PTPRA: variants seen among roughly 807,000 people sequenced by gnomAD.
The protein encoded by PTPRA is protein tyrosine phosphatase receptor type A.
In PTPRA, 25 loss-of-function variants were observed where a neutral mutation model predicts 104.8. The observed-to-expected ratio is 0.24, with a 90% CI of 0.17 to 0.33. The LOEUF (loss-of-function observed/expected upper bound fraction) is 0.33. PTPRA is among the 10% of genes least tolerant of loss of function. The pLI, the probability that PTPRA is intolerant of heterozygous loss-of-function variation, is 1.00. For synonymous variants in PTPRA, 323 were observed against 368.9 expected, an observed-to-expected ratio of 0.88 and a Z score of 1.43; for missense variants, 765 against 1,015.3, an observed-to-expected ratio of 0.75 and a Z score of 3.35.
chr20:2,980,432 C>T (rs538900812), intron 6 of PTPRA, among the ~76,000 whole-genome samples: 96 of 151,890 alleles, frequency 6.3e-4, no homozygotes, highest in Admixed American at 1.2e-3. Context: ...GCCAGGCCTG[C>T]AGTTCCAGCT....
At chr20:2,909,974 AATC>A (rs1408271422) in intron 1 of PTPRA, among the ~76,000 whole-genome samples, 20 of 111,854 alleles carry the variant, frequency 1.8e-4, no homozygotes, top group Admixed American at 1.4e-3. Context: ...ATATATATAT[AATC>A]TATCATATAT....
At chr20:2,959,243 C>T (rs1164626412) in intron 3 of PTPRA, among the ~76,000 whole-genome samples, 2 of 152,072 alleles carry the variant, frequency 1.3e-5, no homozygotes, top group African/African-American at 2.4e-5. Context: ...TGTTCTTTTC[C>T]CTTGTTCTTG....
intron 11 of PTPRA, among the ~76,000 whole-genome samples, chr20:3,007,890 G>A (rs1322186837): frequency 1.3e-5 from 2 of 152,142 alleles, no homozygotes; most frequent in African/African-American, 2.4e-5. Flanking sequence ...ACCAAGGCCT[G>A]AGGGAAGAGC....
intron 3 of PTPRA, among the ~76,000 whole-genome samples, chr20:2,961,853 TTGTTGAAAAGA>T (rs2061766491): frequency 6.6e-6 from 1 of 152,210 alleles, no homozygotes; most frequent in Non-Finnish European, 1.5e-5. Context: ...CCAGTATCAT[TTGTTGAAAAGA>T]CTATCTTGCT....
chr20:3,015,758 T>C (rs1346864101), intron 11 of PTPRA, 91 bp from the exon 12 acceptor site: 1 of 1,094,518 alleles, frequency 9.1e-7, no homozygotes, highest in African/African-American at 1.6e-5. Flanking sequence ...CATTTTCAGG[T>C]TTTGTTAACT....
chr20:2,970,667 A>G, intron 5 of PTPRA, among the ~76,000 whole-genome samples: 1 of 152,218 alleles, frequency 6.6e-6, no homozygotes, highest in East Asian at 1.9e-4. Context: ...TGCATTGCAG[A>G]AGATATCATT....
At chr20:2,998,120 TAC>T (rs1170279644) in intron 9 of PTPRA, among the ~76,000 whole-genome samples, 1 of 143,722 alleles carries the variant, frequency 7.0e-6, no homozygotes, top group African/African-American at 2.6e-5. Context: ...TACAGTGAGC[TAC>T]AGTGATCACC....
At chr20:2,953,482 G>A (rs763539295) in intron 3 of PTPRA, among the ~76,000 whole-genome samples, 51 of 151,724 alleles carry the variant, frequency 3.4e-4, no homozygotes, top group Non-Finnish European at 7.4e-5. Flanking sequence ...CTCGATCTCC[G>A]GACCTTGTGA....
chr20:3,023,678 T>G (rs2064996350), intron 16 of PTPRA, among the ~76,000 whole-genome samples: 1 of 152,218 alleles, frequency 6.6e-6, no homozygotes, highest in Non-Finnish European at 1.5e-5. Context: ...CCTATAGTCC[T>G]GCCACATCCC....
Position 2,910,422 on chromosome 20 carries a change from A to T in PTPRA, c.-128-12785A>T, listed in dbSNP as rs368938635. On this transcript the variant is annotated intron_variant, in intron 1 of 23. Coordinates refer to ENST00000399903, the MANE Select transcript of PTPRA (RefSeq NM_001385305.1). ...TAATATATTTTGTATATTATATAAT[A>T]TATAAAATGTATATTATATATAAGT... 4.9e-3 allele frequency among the ~76,000 whole-genome samples: 288 copies of T among 58,200 alleles called. 1 individual carries two copies. Among genetic ancestry groups the T allele is most frequent in the Middle Eastern group, 9.3e-3 (1 of 108 alleles). 38.2% of individuals were successfully genotyped at this position (58,200 alleles called of 152,430 possible). A position where few individuals can be genotyped will look rare whatever the true frequency, so the allele number is the denominator to read the frequency against.
intron 5 of PTPRA, among the ~76,000 whole-genome samples, chr20:2,968,539 G>A (rs1476275802): frequency 7.2e-6 from 1 of 138,218 alleles, no homozygotes; most frequent in East Asian, 2.0e-4. Context: ...GATATTGGAT[G>A]TATCCTGAAT....
At chr20:3,032,311 C>G (rs1034316051) in intron 20 of PTPRA, among the ~76,000 whole-genome samples, 1 of 152,214 alleles carries the variant, frequency 6.6e-6, no homozygotes, top group Admixed American at 6.5e-5. Flanking sequence ...TAACCATCTT[C>G]TCTCCCACCT....
At chr20:2,990,770 T>A (rs1215804589) in intron 9 of PTPRA, among the ~76,000 whole-genome samples, 1 of 151,986 alleles carries the variant, frequency 6.6e-6, no homozygotes, top group African/African-American at 2.4e-5. Context: ...GGGATATGGA[T>A]GGATAACCTC....
rs1200199890 is a variant in PTPRA, at chr20:2,910,168, T to C, written c.-128-13039T>C. On this transcript the variant is annotated intron_variant, in intron 1 of 23. Transcript: ENST00000399903. ...CATATATACTATACGTCATATATAA[T>C]ATGACGTATAGTATATATGATATAT... 2.4e-5 allele frequency among the ~76,000 whole-genome samples: 3 copies of C among 122,904 alleles called. No homozygotes were observed. In the East Asian group the frequency reaches 6.7e-4, roughly 27 times the overall value. 80.6% of individuals were successfully genotyped at this position (122,904 alleles called of 152,430 possible).
At chr20:2,931,834 C>T (rs372548119) in intron 2 of PTPRA, among the ~76,000 whole-genome samples, 8 of 152,094 alleles carry the variant, frequency 5.3e-5, no homozygotes, top group African/African-American at 1.9e-4. Context: ...CCTCCTCCCT[C>T]AGGCCTCCTG....
the PTPRA span, among the ~76,000 whole-genome samples, chr20:2,868,310 C>CTTTTTT: frequency 3.8e-5 from 4 of 104,164 alleles, no homozygotes; most frequent in Admixed American, 1.2e-4. Context: ...GACTCCACCT[C>CTTTTTT]TTTTTTTTTT....
chr20:2,948,893 A>G (rs1025345073), intron 3 of PTPRA, among the ~76,000 whole-genome samples: 3 of 152,128 alleles, frequency 2.0e-5, no homozygotes, highest in South Asian at 4.1e-4. Context: ...CGGAGCTTGC[A>G]GTGAGCCGAG....
chr20:3,005,223 C>A (rs1223790058), intron 10 of PTPRA, 77 bp downstream of exon 10: 3 of 1,390,502 alleles, frequency 2.2e-6, no homozygotes, highest in Middle Eastern at 1.8e-4. Context: ...TGGAAAGAAT[C>A]TTGCAATTGG....
intron 2 of PTPRA, among the ~76,000 whole-genome samples, chr20:2,931,796 A>G (rs2060516014): frequency 6.6e-6 from 1 of 151,846 alleles, no homozygotes; most frequent in African/African-American, 2.4e-5. Flanking sequence ...CCATGGCATA[A>G]TCATAGCTCA....
Sources: gnomAD v4.1 joint callset for allele counts (sites outside exome capture counted in the v4.1 genomes callset) on GRCh38, gnomAD v4.1.1 for gene constraint, MANE v1.5 for transcripts, NCBI Gene and HGNC (gene_info 2026-07-23, HGNC 2026-07-21) for gene names.